The following UBE2E2 variants were observed in gnomAD, a reference collection of about 807,000 sequenced individuals.
UBE2E2 encodes ubiquitin conjugating enzyme E2 E2, also known as ubiquitin-conjugating enzyme E2 E2.
Under a neutral mutation model 24.7 loss-of-function variants are expected in UBE2E2, and 6 were observed. The observed-to-expected ratio is 0.24, with a 90% confidence interval of 0.13 to 0.48. UBE2E2 has a LOEUF of 0.48. Ranked by LOEUF, UBE2E2 falls within the 20% of genes least tolerant of loss-of-function variation. The pLI is 0.99. For missense variants in UBE2E2, 169 were observed against 245.0 expected, an observed-to-expected ratio of 0.69 and a Z score of 2.07; for synonymous variants, 104 against 83.6, an observed-to-expected ratio of 1.24 and a Z score of -1.33.
chr3:23,469,561 C>T (rs1054398816), intron 3 of UBE2E2, among the ~76,000 whole-genome samples: 1 of 152,102 alleles, frequency 6.6e-6, no homozygotes, highest in Non-Finnish European at 1.5e-5. Context: ...TAAGAACCTC[C>T]CTATATTGCA....
At chr3:23,270,568 A>G (rs1698213258) in intron 3 of UBE2E2, among the ~76,000 whole-genome samples, 1 of 152,172 alleles carries the variant, frequency 6.6e-6, no homozygotes, top group South Asian at 2.1e-4. Context: ...GGCCCTGAGG[A>G]AGTATAGAGT....
At chr3:23,571,968 G>C (rs1696242163) in intron 5 of UBE2E2, among the ~76,000 whole-genome samples, 1 of 152,140 alleles carries the variant, frequency 6.6e-6, no homozygotes, top group African/African-American at 2.4e-5. Flanking sequence ...CCTGGAGCTG[G>C]CAGAGCCAGC....
chr3:23,588,513 C>A, intron 5 of UBE2E2, among the ~76,000 whole-genome samples: 1 of 150,758 alleles, frequency 6.6e-6, no homozygotes, highest in Admixed American at 6.6e-5. Context: ...AACTCCTGGA[C>A]TCAAGCGATC....
At chr3:23,550,131 T>A (rs1330916050) in intron 5 of UBE2E2, among the ~76,000 whole-genome samples, 1 of 152,178 alleles carries the variant, frequency 6.6e-6, no homozygotes, top group African/African-American at 2.4e-5. Flanking sequence ...TGGAATTTAC[T>A]TTCTATAAAA....
chr3:23,394,917 T>G (rs1051958765), intron 3 of UBE2E2, among the ~76,000 whole-genome samples: 2 of 152,126 alleles, frequency 1.3e-5, no homozygotes, highest in Non-Finnish European at 2.9e-5. Context: ...AGCCTCTAAA[T>G]CAGCAAAGCT....
At chr3:23,291,575 T>A (rs988046290) in intron 3 of UBE2E2, among the ~76,000 whole-genome samples, 11 of 152,136 alleles carry the variant, frequency 7.2e-5, no homozygotes, top group South Asian at 2.1e-4. Context: ...CTTCACAGAT[T>A]TAGCAGTCTA....
chr3:23,426,287 T>C (rs1197467374), intron 3 of UBE2E2, among the ~76,000 whole-genome samples: 1 of 151,626 alleles, frequency 6.6e-6, no homozygotes, highest in African/African-American at 2.4e-5. Context: ...ATGATGAGAA[T>C]ACCAAACGAA....
chr3:23,557,535 A>T (rs1462255778), intron 5 of UBE2E2, among the ~76,000 whole-genome samples: 2 of 152,142 alleles, frequency 1.3e-5, no homozygotes, highest in African/African-American at 4.8e-5. Context: ...ACACCAGTTC[A>T]CTTAAATACA....
intron 4 of UBE2E2, among the ~76,000 whole-genome samples, chr3:23,531,037 A>G (rs1415154355): frequency 6.6e-6 from 1 of 152,182 alleles, no homozygotes; most frequent in African/African-American, 2.4e-5. Flanking sequence ...ATGTGTATGT[A>G]GGTGTCATGG....
intron 3 of UBE2E2, among the ~76,000 whole-genome samples, chr3:23,429,812 A>G (rs1393899238): frequency 6.6e-6 from 1 of 152,250 alleles, no homozygotes; most frequent in Non-Finnish European, 1.5e-5. Flanking sequence ...ATAAGCAATT[A>G]TAGCAAAATT....
chr3:23,306,018 A>G (rs748644141), intron 3 of UBE2E2, among the ~76,000 whole-genome samples: 9 of 152,182 alleles, frequency 5.9e-5, no homozygotes, highest in Admixed American at 1.3e-4. Context: ...GGCTGACATG[A>G]CCATATTAAC....
chr3:23,406,169 T>C (rs754000956), intron 3 of UBE2E2, among the ~76,000 whole-genome samples: 1 of 152,268 alleles, frequency 6.6e-6, no homozygotes, highest in Non-Finnish European at 1.5e-5. Flanking sequence ...TTAGACAATA[T>C]TTCCAAGGCT....
At chr3:23,325,495 A>G (rs1442881545) in intron 3 of UBE2E2, among the ~76,000 whole-genome samples, 1 of 152,188 alleles carries the variant, frequency 6.6e-6, no homozygotes, top group Non-Finnish European at 1.5e-5. Flanking sequence ...GTCCTTTAGT[A>G]TACAGAAAAC....
chr3:23,485,763 T>G (rs1332907412), intron 3 of UBE2E2, among the ~76,000 whole-genome samples: 1 of 152,190 alleles, frequency 6.6e-6, no homozygotes, highest in Non-Finnish European at 1.5e-5. Flanking sequence ...GTGCATTTCT[T>G]TCATGATCTC....
At chr3:23,345,269 C>A (rs1214653368) in intron 3 of UBE2E2, among the ~76,000 whole-genome samples, 1 of 152,108 alleles carries the variant, frequency 6.6e-6, no homozygotes, top group Non-Finnish European at 1.5e-5. Context: ...TTCATACCTC[C>A]TTGAAGACTG....
chr3:23,265,414 C>G (rs1698021270), intron 3 of UBE2E2, among the ~76,000 whole-genome samples: 3 of 152,210 alleles, frequency 2.0e-5, no homozygotes, highest in Admixed American at 2.0e-4. Context: ...GCATGCATAA[C>G]CAGACTGGAG....
intron 3 of UBE2E2, among the ~76,000 whole-genome samples, chr3:23,332,142 A>G (rs1004994281): frequency 2.0e-5 from 3 of 152,140 alleles, no homozygotes; most frequent in Non-Finnish European, 4.4e-5. Context: ...TATTATTTAT[A>G]TCTTTCCACT....
intron 5 of UBE2E2, among the ~76,000 whole-genome samples, chr3:23,535,725 C>T (rs980363095): frequency 2.0e-5 from 3 of 147,750 alleles, no homozygotes; most frequent in African/African-American, 7.6e-5. Flanking sequence ...CGGGTTCAAG[C>T]GATTCTCCTG....
At chr3:23,415,913 G>C (rs1162606501) in intron 3 of UBE2E2, among the ~76,000 whole-genome samples, 3 of 151,780 alleles carry the variant, frequency 2.0e-5, no homozygotes, top group Non-Finnish European at 2.9e-5. Context: ...GCCCCCGAGA[G>C]GCCCCAGTGT....
Sources: allele counts gnomAD v4.1 joint callset (sites outside exome capture counted in the v4.1 genomes callset), GRCh38; gene constraint gnomAD v4.1.1; transcripts MANE v1.5; gene names NCBI Gene and HGNC (gene_info 2026-07-23, HGNC 2026-07-21).